The following RNGTT variants were observed in gnomAD, a reference collection of about 807,000 sequenced individuals.
The protein encoded by RNGTT is mRNA-capping enzyme.
RNGTT carries 33 observed loss-of-function variants against 79.3 expected under a neutral mutation model. The ratio of observed to expected loss-of-function variants is 0.42; its 90% CI spans 0.32 to 0.56. The LOEUF is 0.56. RNGTT is among the 20% of genes least tolerant of loss of function. The pLI is 0.17. For synonymous variants in RNGTT, 222 were observed against 235.9 expected (o/e 0.94, Z 0.54); for missense variants, 497 against 739.1 (o/e 0.67, Z 3.80).
At chr6:88,774,268 AC>A (rs1225078311) in intron 12 of RNGTT, among the ~76,000 whole-genome samples, 2 of 152,142 alleles carry the variant, frequency 1.3e-5, no homozygotes, top group Non-Finnish European at 2.9e-5. Flanking sequence ...AAATGGAGAT[AC>A]CACTTCATAC....
chr6:88,677,074 T>A (rs1333841085), intron 14 of RNGTT, among the ~76,000 whole-genome samples: 3 of 152,122 alleles, frequency 2.0e-5, no homozygotes, highest in Non-Finnish European at 2.9e-5. Context: ...ACAATTACTT[T>A]TACACCAACC....
chr6:88,734,728 C>T (rs1049490490), intron 13 of RNGTT, among the ~76,000 whole-genome samples: 1 of 152,112 alleles, frequency 6.6e-6, no homozygotes, highest in African/African-American at 2.4e-5. Flanking sequence ...TGGTGACGTA[C>T]AAGCAACATG....
At chr6:88,632,999 A>G (rs1772960649) in intron 14 of RNGTT, among the ~76,000 whole-genome samples, 2 of 152,198 alleles carry the variant, frequency 1.3e-5, no homozygotes, top group Non-Finnish European at 2.9e-5. Flanking sequence ...TTTCTTCTGT[A>G]GTCCTTCTGG....
In RNGTT at chr6:88,816,428, C is replaced by T. The variant is rs74444277; in HGVS notation, c.1270-14796G>A. ...GCTAAGACTAAGAATTCTAAGAACA[C>T]GCAAAAAGAAGGGCAAAGTACACAA... On this transcript the variant is annotated intron_variant, in intron 11 of 15. Transcript: ENST00000369485. Among the ~76,000 whole-genome samples, 1,331 of 151,520 alleles carry T rather than the reference C, an allele frequency of 8.8e-3. 13 individuals carry two copies. Among genetic ancestry groups the T allele is most frequent in the African/African-American group, 0.031 (1,269 of 41,206 alleles).
At chr6:88,826,741 C>G (rs371887110) in intron 11 of RNGTT, among the ~76,000 whole-genome samples, 1 of 149,202 alleles carries the variant, frequency 6.7e-6, no homozygotes, top group East Asian at 2.0e-4. Context: ...CAATATCACA[C>G]CATTCCACTC....
intron 1 of RNGTT, among the ~76,000 whole-genome samples, chr6:88,961,712 T>C (rs567027169): frequency 1.3e-3 from 196 of 152,368 alleles, no homozygotes; most frequent in African/African-American, 4.4e-3. Flanking sequence ...GACTATCAAG[T>C]GTTACCACTT....
At chr6:88,630,269 TGGATC>T (rs1331207840) in intron 14 of RNGTT, among the ~76,000 whole-genome samples, 2 of 152,196 alleles carry the variant, frequency 1.3e-5, no homozygotes, top group African/African-American at 4.8e-5. Context: ...GAAGACACAG[TGGATC>T]GCCTCCTGGT....
intron 13 of RNGTT, among the ~76,000 whole-genome samples, chr6:88,750,262 C>T (rs1051242970): frequency 3.9e-5 from 6 of 152,068 alleles, no homozygotes; most frequent in South Asian, 2.1e-4. Context: ...GAGATAGCAG[C>T]GTTCTAGTAA....
intron 1 of RNGTT, among the ~76,000 whole-genome samples, chr6:88,946,232 G>T (rs1445041045): frequency 6.6e-6 from 1 of 151,988 alleles, no homozygotes. Context: ...TATTATATTT[G>T]TTACAGTGAT....
Position 88,621,164 on chromosome 6 carries a change from A to G in RNGTT, c.1507-6769T>C, listed in dbSNP as rs143535852. 1.3e-3 allele frequency among the ~76,000 whole-genome samples: 203 copies of G among 152,314 alleles called. 1 individual carries two copies. Among genetic ancestry groups the G allele is most frequent in the African/African-American group, 4.7e-3 (196 of 41,580 alleles). On this transcript the variant is annotated intron_variant, in intron 14 of 15. Coordinates refer to ENST00000369485, the MANE Select transcript of RNGTT (RefSeq NM_003800.5). ...CTTTTCATTCATCCTTTCTGATCCT[A>G]TCTCTAAAACCTACACACAGATTTA...
chr6:88,769,976 T>C, intron 12 of RNGTT, 102 bp from the exon 13 acceptor site: 1 of 695,650 alleles, frequency 1.4e-6, no homozygotes, highest in East Asian at 2.8e-5. Context: ...AAATTACTTC[T>C]TTTCTAAACA....
intron 11 of RNGTT, among the ~76,000 whole-genome samples, chr6:88,818,440 A>T (rs1780395952): frequency 6.6e-6 from 1 of 151,912 alleles, no homozygotes; most frequent in African/African-American, 2.4e-5. Flanking sequence ...AAAATTAGCC[A>T]GGCATAGTGG....
chr6:88,709,801 T>C (rs1021127174), intron 13 of RNGTT, among the ~76,000 whole-genome samples: 4 of 152,216 alleles, frequency 2.6e-5, no homozygotes, highest in Non-Finnish European at 2.9e-5. Flanking sequence ...GGCTACCATA[T>C]TGGAAAGTAC....
At chr6:88,860,339 A>G (rs1781971304) in intron 8 of RNGTT, among the ~76,000 whole-genome samples, 1 of 152,196 alleles carries the variant, frequency 6.6e-6, no homozygotes, top group South Asian at 2.1e-4. Context: ...GGAAGAAACG[A>G]TGGACACCAT....
At chr6:88,780,976 AG>A (rs1027075303) in intron 12 of RNGTT, among the ~76,000 whole-genome samples, 2 of 152,118 alleles carry the variant, frequency 1.3e-5, no homozygotes, top group African/African-American at 4.8e-5. Flanking sequence ...AGAGGTGGGG[AG>A]GGGGTGCTAC....
intron 13 of RNGTT, among the ~76,000 whole-genome samples, chr6:88,755,274 A>C (rs886226648): frequency 6.6e-6 from 1 of 152,176 alleles, no homozygotes; most frequent in Non-Finnish European, 1.5e-5. Flanking sequence ...AGAAAGAGAA[A>C]ATGAAGAAAA....
In RNGTT at chr6:88,803,250, G is replaced by T. The variant is rs574198960; in HGVS notation, c.1270-1618C>A. ...AGATCAGTAATTGCCAGAGGCTTGG[G>T]GGGTAGTCTTTAATGAGTTTCAGTT... is the stretch of plus-strand genomic sequence containing the variant. On this transcript the variant is annotated intron_variant, in intron 11 of 15. Transcript: ENST00000369485. Among the ~76,000 whole-genome samples, 3 of 152,108 alleles carry T rather than the reference G, an allele frequency of 2.0e-5. No homozygotes were observed. The South Asian group carries it at 6.2e-4, about 32-fold the overall frequency.
intron 13 of RNGTT, among the ~76,000 whole-genome samples, chr6:88,712,984 T>TTTTGAGTGG: frequency 6.6e-6 from 1 of 152,300 alleles, no homozygotes; most frequent in Non-Finnish European, 1.5e-5. Flanking sequence ...GAATCTAGAA[T>TTTTGAGTGG]TCAGGCCCTT....
intron 11 of RNGTT, among the ~76,000 whole-genome samples, chr6:88,811,399 C>T (rs1434909430): frequency 1.3e-5 from 2 of 152,254 alleles, no homozygotes; most frequent in Admixed American, 6.5e-5. Flanking sequence ...CTACAGAGGG[C>T]ATGTAGCATG....
Sources: allele counts gnomAD v4.1 joint callset (sites outside exome capture counted in the v4.1 genomes callset), GRCh38; gene constraint gnomAD v4.1.1; transcripts MANE v1.5; gene names NCBI Gene and HGNC (gene_info 2026-07-23, HGNC 2026-07-21).